The following EPHA3 variants were observed in gnomAD, a reference collection of about 807,000 sequenced individuals.
EPHA3 encodes ephrin type-A receptor 3.
A neutral mutation model predicts 107.1 loss-of-function variants in EPHA3; 42 were observed. That is an observed-to-expected ratio of 0.39 (90% CI 0.31 to 0.51). The LOEUF (loss-of-function observed/expected upper bound fraction) is 0.51, where lower values mean the gene tolerates loss of function less well. Ranked by LOEUF, EPHA3 falls within the 20% of genes least tolerant of loss-of-function variation. The probability of loss-of-function intolerance (pLI) is 0.78; values close to 1 mark genes in which losing one functional copy is unlikely to be tolerated. For missense variants in EPHA3, 1,183 were observed against 1,211.2 expected, an observed-to-expected ratio of 0.98 and a Z score of 0.35; for synonymous variants, 461 against 424.8, an observed-to-expected ratio of 1.09 and a Z score of -1.05.
At chr3:89,266,420 A>G (rs1215672259) in intron 3 of EPHA3, among the ~76,000 whole-genome samples, 1 of 152,144 alleles carries the variant, frequency 6.6e-6, no homozygotes, top group African/African-American at 2.4e-5. Context: ...ACATTATTAG[A>G]CTTTAAAGAG....
chr3:89,399,737 T>TA (rs1404376631), intron 7 of EPHA3: 2,661 of 1,149,666 alleles, frequency 2.3e-3, no homozygotes, highest in Admixed American at 4.1e-3. Flanking sequence ...TTTTTTTTTT[T>TA]TAGCCATAAA....
intron 2 of EPHA3, among the ~76,000 whole-genome samples, chr3:89,169,331 G>T (rs931471097): frequency 2.6e-5 from 4 of 151,914 alleles, no homozygotes; most frequent in African/African-American, 9.7e-5. Flanking sequence ...TTTTCAGACC[G>T]AAATTATAAA....
rs1184075163 is a variant in EPHA3 at position 89,396,251 on chromosome 3, T to G, written c.1431+290T>G. 2.0e-5 allele frequency among the ~76,000 whole-genome samples: 3 copies of G among 152,240 alleles called. No individual in the cohort carries two copies. In the East Asian group the frequency reaches 5.8e-4, roughly 29 times the overall value. ...TCTCCCTTTACACCAAGACCCCTACTCTACCAACTATTTTATTGTGGTTTC... is the reference window on the plus strand; with the variant it reads ...TCTCCCTTTACACCAAGACCCCTACGCTACCAACTATTTTATTGTGGTTTC... On this transcript the variant is annotated intron_variant, in intron 6 of 16. Coordinates refer to ENST00000336596, the MANE Select transcript of EPHA3 (RefSeq NM_005233.6).
intron 3 of EPHA3, among the ~76,000 whole-genome samples, chr3:89,285,826 T>C (rs1706068484): frequency 6.6e-6 from 1 of 152,124 alleles, no homozygotes; most frequent in African/African-American, 2.4e-5. Flanking sequence ...CCTAAATCTG[T>C]TCCTACCTCC....
intron 3 of EPHA3, among the ~76,000 whole-genome samples, chr3:89,327,683 A>G (rs993927834): frequency 1.3e-5 from 2 of 152,194 alleles, no homozygotes; most frequent in South Asian, 2.1e-4. Flanking sequence ...TTTTTTAGGC[A>G]TCTTTTCTGA....
chr3:89,143,143 T>C (rs1704467952), intron 2 of EPHA3, among the ~76,000 whole-genome samples: 1 of 151,400 alleles, frequency 6.6e-6, no homozygotes, highest in South Asian at 2.1e-4. Flanking sequence ...TTCTGCACGA[T>C]ACCTACAGAG....
intron 5 of EPHA3, among the ~76,000 whole-genome samples, chr3:89,373,868 T>G (rs76120487): frequency 0.015 from 2,320 of 151,908 alleles, 43 homozygotes; most frequent in African/African-American, 0.053. Flanking sequence ...GAGGATAAGG[T>G]CGATGTCATT....
intron 3 of EPHA3, among the ~76,000 whole-genome samples, chr3:89,311,524 G>T (rs1329576115): frequency 1.3e-5 from 2 of 151,962 alleles, no homozygotes; most frequent in East Asian, 3.9e-4. Context: ...AGCCTGGAAA[G>T]AAATAAATTA....
chr3:89,197,279 G>C (rs1705857625), intron 2 of EPHA3, among the ~76,000 whole-genome samples: 1 of 152,060 alleles, frequency 6.6e-6, no homozygotes, highest in Non-Finnish European at 1.5e-5. Flanking sequence ...GGTAACAACT[G>C]TGTAAGCACT....
At chr3:89,402,548 A>G (rs148372121) in intron 7 of EPHA3, among the ~76,000 whole-genome samples, 2,026 of 152,260 alleles carry the variant, frequency 0.013, 54 homozygotes, top group African/African-American at 0.047. Flanking sequence ...TTATTAAATC[A>G]AAATGACATA....
intron 3 of EPHA3, among the ~76,000 whole-genome samples, chr3:89,277,824 T>C (rs1335035804): frequency 4.6e-5 from 7 of 152,170 alleles, no homozygotes; most frequent in Admixed American, 1.3e-4. Flanking sequence ...TTTAAAGCAA[T>C]TTTGTTCTGT....
intron 2 of EPHA3, among the ~76,000 whole-genome samples, chr3:89,154,873 T>G (rs979092653): frequency 3.4e-5 from 5 of 148,022 alleles, no homozygotes; most frequent in African/African-American, 4.9e-5. Context: ...TCTAAGAACA[T>G]ATATATATAA....
chr3:89,472,841 G>C (rs1427014195), intron 16 of EPHA3, among the ~76,000 whole-genome samples: 1 of 152,002 alleles, frequency 6.6e-6, no homozygotes, highest in Non-Finnish European at 1.5e-5. Flanking sequence ...CTCAAGATAG[G>C]GCCCAGGATC....
chr3:89,378,782 C>T (rs1240744073), intron 5 of EPHA3, among the ~76,000 whole-genome samples: 18 of 152,136 alleles, frequency 1.2e-4, no homozygotes. Flanking sequence ...TCCTTTTTAG[C>T]TTTACTTATG....
chr3:89,480,048 AGTT>A lies in EPHA3; in HGVS notation c.*550_*552del, dbSNP rs1710593767. 4.3e-6 allele frequency: 1 copy of A among 232,814 alleles called. No homozygotes were observed. The highest frequency in any genetic ancestry group is 1.8e-4 in the South Asian group (1 of 5,530). The allele number at this position is 232,814 out of a possible 1,614,324, so 14.4% of individuals were successfully genotyped here. A position where few individuals can be genotyped will look rare whatever the true frequency, so the allele number is the denominator to read the frequency against. ...TAAAGCATATAGAGATGAAGTTTGT[AGTT>A]GTTTTAAGTACTACACATTTTTAAA... On this transcript the variant is annotated 3_prime_UTR_variant, in exon 17 of 17. Transcript: ENST00000336596.
chr3:89,442,553 A>G (rs551713893), intron 13 of EPHA3, among the ~76,000 whole-genome samples: 2 of 152,300 alleles, frequency 1.3e-5, no homozygotes, highest in South Asian at 4.1e-4. Flanking sequence ...GTGCTGCTAG[A>G]TATCCTACAA....
At chr3:89,114,492 C>A (rs1707204420) in intron 1 of EPHA3, among the ~76,000 whole-genome samples, 1 of 152,148 alleles carries the variant, frequency 6.6e-6, no homozygotes, top group African/African-American at 2.4e-5. Context: ...TCTCCGGGTG[C>A]GCGTAACGCA....
At chr3:89,474,968 G>A (rs140188653) in intron 16 of EPHA3, among the ~76,000 whole-genome samples, 4 of 152,216 alleles carry the variant, frequency 2.6e-5, no homozygotes, top group Non-Finnish European at 5.9e-5. Context: ...AGGTGGTATG[G>A]ATATGTCCAT....
chr3:89,177,535 G>A (rs191389389), intron 2 of EPHA3, among the ~76,000 whole-genome samples: 32 of 152,232 alleles, frequency 2.1e-4, no homozygotes, highest in Admixed American at 1.0e-3. Flanking sequence ...CAGATGTGAA[G>A]GGTTACTTCC....
Sources: gnomAD v4.1 joint callset for allele counts (sites outside exome capture counted in the v4.1 genomes callset) on GRCh38, gnomAD v4.1.1 for gene constraint, MANE v1.5 for transcripts, NCBI Gene and HGNC (gene_info 2026-07-23, HGNC 2026-07-21) for gene names.